Variants in NT5DC4 observed in about 807,000 individuals in gnomAD.
NT5DC4 encodes the protein 5'-nucleotidase domain-containing protein 4.
A neutral mutation model predicts 26.6 loss-of-function variants in NT5DC4; 44 were observed. The observed-to-expected ratio is 1.65, with a 90% CI of 1.30 to 2.13. NT5DC4 has a LOEUF of 2.13. Ranked by LOEUF, NT5DC4 falls within the 30% of genes most tolerant of loss-of-function variation. NT5DC4 has a pLI of 0.00. For missense variants in NT5DC4, 399 were observed against 228.1 expected, an observed-to-expected ratio of 1.75 and a Z score of -4.83; for synonymous variants, 157 against 86.7, an observed-to-expected ratio of 1.81 and a Z score of -4.51.
intron 16 of NT5DC4, among the ~76,000 whole-genome samples, chr2:112,735,482 TC>T (rs60511460): frequency 0.039 from 5,013 of 127,354 alleles, 281 homozygotes; most frequent in African/African-American, 0.12. Context: ...TATATAATCC[TC>T]CCCCCCCTTT....
intron 14 of NT5DC4, 46 bp from the exon 15 acceptor site, chr2:112,726,632 G>C: frequency 1.4e-6 from 1 of 717,418 alleles, no homozygotes; most frequent in South Asian, 1.5e-5. Flanking sequence ...CCTGGCACTC[G>C]GAGGCTCTGT....
intron 10 of NT5DC4, 184 bp downstream of exon 10, chr2:112,724,310 G>C (rs1677383645): frequency 1.6e-6 from 1 of 636,100 alleles, no homozygotes; most frequent in South Asian, 1.8e-5. Context: ...GGTGACCTCA[G>C]CCAGGCCCTG....
chr2:112,721,601 C>A, intron 1 of NT5DC4: 1 of 717,402 alleles, frequency 1.4e-6, no homozygotes. Context: ...CGCTTGCACA[C>A]ATGCTCACAC....
At chr2:112,731,561 C>T (rs1678486145) in intron 16 of NT5DC4, 1 of 152,098 alleles carries the variant, frequency 6.6e-6, no homozygotes. Flanking sequence ...GCCCAAATGT[C>T]TTTGAGTTTG....
chr2:112,719,838 C>CTTT, upstream of NT5DC4, among the ~76,000 whole-genome samples: 1 of 71,644 alleles, frequency 1.4e-5, no homozygotes, highest in Non-Finnish European at 3.9e-5. Flanking sequence ...TTCCTTCCTT[C>CTTT]CTTCCCTCCC....
intron 4 of NT5DC4, 39 bp downstream of exon 4, chr2:112,722,317 G>A (rs1212552935): frequency 1.4e-6 from 1 of 716,604 alleles, no homozygotes; most frequent in Admixed American, 2.0e-5. Flanking sequence ...CAGGCCAGGA[G>A]GGGAGGACTG....
At position 112,722,045 on chromosome 2, in the gene NT5DC4, T is replaced by C. The variant is rs1327734915; in HGVS notation, c.208T>C (p.Cys70Arg). The C allele has an allele frequency of 1.4e-6, 1 of 717,216 alleles. No individual in the cohort carries two copies. The highest frequency in any genetic ancestry group is 1.5e-5 in the South Asian group (1 of 67,604). 44.4% of individuals were successfully genotyped at this position (717,216 alleles called of 1,614,324 possible). ...CGAGCTGCTGCTGGAGCGCCTGGTG[T>C]GCATTGGGTACCCGCATGAGATCCT... ...TFELLLERLV[C>R]IGYPHEILRY... is the part of the protein sequence containing the mutation. Residue 70 changes from cysteine (C) to arginine (R), a missense_variant, in exon 3 of 17, where the codon TGC becomes CGC. By Grantham distance (180) the Cys-to-Arg change is radical (BLOSUM62 -3). Transcript: ENST00000688554.
In NT5DC4 at chr2:112,722,562, A is replaced by C; in HGVS notation, c.442A>C (p.Ile148Leu). The stretch of plus-strand genomic sequence containing the variant: ...GAGGGACGACCTGCAGTGTTTCTAC[A>C]TACTCAACATGCTCTTCAACCTGCC... Reference protein sequence around the residue: ...IQRDDLQCFYILNMLFNLPET... With the variant: ...IQRDDLQCFYLLNMLFNLPET... Residue 148 changes from isoleucine to leucine, a missense_variant, in exon 5 of 17, where the codon ATA becomes CTA. Transcript: ENST00000688554. The C allele has an allele frequency of 1.4e-6, 1 of 717,384 alleles. No individual in the cohort carries two copies. The highest frequency in any genetic ancestry group is 2.6e-6 in the Non-Finnish European group (1 of 385,054). 44.4% of individuals were successfully genotyped at this position (717,384 alleles called of 1,614,324 possible).
chr2:112,742,276 T>C (rs1680028098), downstream of NT5DC4: 1 of 674,972 alleles, frequency 1.5e-6, no homozygotes, highest in Non-Finnish European at 2.7e-6. Flanking sequence ...TTATGACCAC[T>C]GACAGTGATG....
At chr2:112,726,816 G>A (rs1677802944) in intron 15 of NT5DC4, 78 bp downstream of exon 15, 4 of 714,562 alleles carry the variant, frequency 5.6e-6, no homozygotes, top group South Asian at 3.0e-5. Flanking sequence ...CTTGCCTGTC[G>A]GCTTTGTCCT....
intron 16 of NT5DC4, 175 bp from the exon 17 acceptor site, chr2:112,738,734 CCTCT>C (rs1489345443): frequency 3.6e-6 from 3 of 823,710 alleles, no homozygotes; most frequent in Non-Finnish European, 6.0e-6. Flanking sequence ...ATCCATGATG[CCTCT>C]CTTTTTTTCC....
At chr2:112,736,031 C>A (rs1221064327) in intron 16 of NT5DC4, among the ~76,000 whole-genome samples, 5 of 152,036 alleles carry the variant, frequency 3.3e-5, no homozygotes, top group Non-Finnish European at 7.4e-5. Flanking sequence ...CATAAAGAGA[C>A]AACTGACTCC....
chr2:112,723,314 C>T lies in NT5DC4; in HGVS notation c.622-104C>T, dbSNP rs994151033. On this transcript the variant is annotated intron_variant, in intron 7 of 16. Transcript: ENST00000688554. ...AGGTCTGGTCTGGGCTTCCCAGAGC[C>T]GCCCACTTTTCTCATCTTGGACACA... The T allele has an allele frequency of 1.7e-4, 117 of 698,752 alleles. 1 individual carries two copies. The highest frequency in any genetic ancestry group is 3.5e-4 in the South Asian group (23 of 65,036). The allele number at this position is 698,752 out of a possible 1,614,324, so 43.3% of individuals were successfully genotyped here.
chr2:112,725,075 C>G, intron 11 of NT5DC4, 99 bp from the exon 12 acceptor site: 1 of 656,582 alleles, frequency 1.5e-6, no homozygotes, highest in South Asian at 1.7e-5. Context: ...CCACACCCCC[C>G]ATGGTTACCT....
intron 14 of NT5DC4, 58 bp downstream of exon 14, chr2:112,726,347 TG>T (rs1002595521): frequency 1.4e-6 from 1 of 716,182 alleles, no homozygotes; most frequent in African/African-American, 1.7e-5. Context: ...GGAGGGGCAG[TG>T]GCTCACATCC....
intron 16 of NT5DC4, among the ~76,000 whole-genome samples, chr2:112,734,891 C>G (rs1008767899): frequency 6.6e-6 from 1 of 151,984 alleles, no homozygotes; most frequent in South Asian, 2.1e-4. Context: ...GGTTTCACTA[C>G]GTTGGCCAGG....
downstream of NT5DC4, chr2:112,742,387 A>T: frequency 1.4e-6 from 1 of 717,468 alleles, no homozygotes; most frequent in Non-Finnish European, 2.6e-6. Flanking sequence ...CATGTAACTT[A>T]AGGCATTTCT....
At chr2:112,739,529 T>C (rs1177606872), downstream of NT5DC4, among the ~76,000 whole-genome samples, 1 of 152,278 alleles carries the variant, frequency 6.6e-6, no homozygotes, top group Non-Finnish European at 1.5e-5. Context: ...GTGTGGTTTT[T>C]ATTTGAAGTC....
upstream of NT5DC4, among the ~76,000 whole-genome samples, chr2:112,719,695 A>C (rs1237168686): frequency 1.3e-5 from 2 of 151,708 alleles, no homozygotes; most frequent in Non-Finnish European, 2.9e-5. Flanking sequence ...CGTGCTGGCC[A>C]GGCTTGTCTC....
Sources: gnomAD v4.1 joint callset for allele counts (sites outside exome capture counted in the v4.1 genomes callset) on GRCh38, gnomAD v4.1.1 for gene constraint, MANE v1.5 for transcripts, NCBI Gene and HGNC (gene_info 2026-07-23, HGNC 2026-07-21) for gene names.